The following MGST2 variants were observed in gnomAD, a reference collection of about 807,000 sequenced individuals.
MGST2 encodes glutathione peroxidase MGST2.
Under a neutral mutation model 16.6 loss-of-function variants are expected in MGST2, and 9 were observed. The observed-to-expected ratio is 0.54, with a 90% CI of 0.33 to 0.95. The LOEUF (loss-of-function observed/expected upper bound fraction) is 0.95, where lower values mean the gene tolerates loss of function less well. Among genes scored for constraint, MGST2 ranks in the 40% least tolerant of loss-of-function variants. The pLI is 0.03. For missense variants in MGST2, 159 were observed against 175.1 expected (o/e 0.91, Z 0.52); for synonymous variants, 79 against 68.0 (o/e 1.16, Z -0.79).
intron 5 of MGST2, chr4:139,731,266 A>G (rs1181728330): frequency 6.4e-6 from 1 of 156,986 alleles, no homozygotes; most frequent in African/African-American, 2.4e-5. Flanking sequence ...AATGTTTTAC[A>G]CCGATCAAAG....
chr4:139,729,488 C>A (rs1220833444), intron 5 of MGST2, among the ~76,000 whole-genome samples: 1 of 152,044 alleles, frequency 6.6e-6, no homozygotes, highest in African/African-American at 2.4e-5. Context: ...AAATTCTGAC[C>A]CTATCAGGAA....
intron 1 of MGST2, among the ~76,000 whole-genome samples, chr4:139,673,595 C>T (rs1342165346): frequency 6.6e-6 from 1 of 152,080 alleles, no homozygotes; most frequent in Non-Finnish European, 1.5e-5. Context: ...TTTTTATTTT[C>T]TAGACATGGG....
rs1397244764 is a variant in MGST2 at position 139,695,250 on chromosome 4, G to A, written c.212G>A (p.Gly71Glu). 10 of 1,612,602 alleles carry A rather than the reference G, an allele frequency of 6.2e-6. No individual in the cohort carries two copies. The highest frequency in any genetic ancestry group is 8.5e-6 in the Non-Finnish European group (10 of 1,178,682). Residue 71 changes from glycine to glutamate, a missense_variant, in exon 3 of 5, where the codon GGG (glycine) becomes GAG (glutamate). Transcript: ENST00000265498. The part of the protein sequence containing the change: ...PIFIITLWMA[G>E]WYFNQVFATC... Reference sequence around the variant, plus strand: ...TTCATAATTACATTGTGGATGGCTGGGTGGTATTTCAACCAAGGTAATGTT... The same window carrying A: ...TTCATAATTACATTGTGGATGGCTGAGTGGTATTTCAACCAAGGTAATGTT...
intron 3 of MGST2, among the ~76,000 whole-genome samples, chr4:139,702,434 A>G (rs140906261): frequency 1.3e-5 from 2 of 152,278 alleles, no homozygotes; most frequent in Non-Finnish European, 1.5e-5. Flanking sequence ...ATCATACAGT[A>G]TGTAGCCTGT....
chr4:139,729,134 C>T (rs1728595337), intron 5 of MGST2, among the ~76,000 whole-genome samples: 1 of 116,038 alleles, frequency 8.6e-6, no homozygotes, highest in Non-Finnish European at 1.6e-5. Context: ...GAGATAATTA[C>T]ACAGCTGTTC....
chr4:139,671,975 G>A (rs1178339419), intron 1 of MGST2, among the ~76,000 whole-genome samples: 1 of 152,046 alleles, frequency 6.6e-6, no homozygotes, highest in Non-Finnish European at 1.5e-5. Context: ...AAATAGCCAT[G>A]GTCTCTCTGA....
At chr4:139,707,519 C>T (rs1727566810), downstream of MGST2, among the ~76,000 whole-genome samples, 1 of 152,176 alleles carries the variant, frequency 6.6e-6, no homozygotes, top group Admixed American at 6.5e-5. Context: ...CATACGTGTG[C>T]ATGTGTCTTT....
chr4:139,682,528 C>T (rs58965703), intron 2 of MGST2, among the ~76,000 whole-genome samples: 1,916 of 152,160 alleles, frequency 0.013, 42 homozygotes, highest in African/African-American at 0.043. Flanking sequence ...AGGTCATAGA[C>T]GGCTGGGTCA....
chr4:139,718,897 CTCTG>C (rs1387198217), intron 5 of MGST2: 1 of 171,512 alleles, frequency 5.8e-6, no homozygotes, highest in African/African-American at 2.4e-5. Context: ...CTGGCTGAGG[CTCTG>C]TCTCTTTTGT....
chr4:139,753,966 G>C, the MGST2 span, among the ~76,000 whole-genome samples: 1 of 152,186 alleles, frequency 6.6e-6, no homozygotes, highest in East Asian at 1.9e-4. Flanking sequence ...GGAGGGGTAA[G>C]AGTTAATGAA....
downstream of MGST2, among the ~76,000 whole-genome samples, chr4:139,743,737 AC>A (rs1729233594): frequency 6.6e-6 from 1 of 152,312 alleles, no homozygotes; most frequent in East Asian, 1.9e-4. Flanking sequence ...ACTGAAGGTT[AC>A]TTTCTATAGA....
chr4:139,732,934 T>C (rs1000786655), intron 5 of MGST2, among the ~76,000 whole-genome samples: 1 of 152,250 alleles, frequency 6.6e-6, no homozygotes, highest in Admixed American at 6.5e-5. Context: ...GAAATATTTT[T>C]GATGTTAATA....
At chr4:139,742,798 T>C (rs1326369845), downstream of MGST2, among the ~76,000 whole-genome samples, 1 of 152,214 alleles carries the variant, frequency 6.6e-6, no homozygotes, top group Admixed American at 6.5e-5. Context: ...CCTTGGGAAG[T>C]TGATGGGAAA....
chr4:139,703,029 G>A (rs1449254785), intron 3 of MGST2, among the ~76,000 whole-genome samples: 2 of 151,328 alleles, frequency 1.3e-5, no homozygotes, highest in Admixed American at 6.6e-5. Context: ...GGGTTCAAAC[G>A]ATTCTCCTGC....
At chr4:139,731,722 A>T (rs913222996) in intron 5 of MGST2, among the ~76,000 whole-genome samples, 1 of 152,202 alleles carries the variant, frequency 6.6e-6, no homozygotes, top group Non-Finnish European at 1.5e-5. Flanking sequence ...AATGATGGCA[A>T]CTTTTAAGGA....
chr4:139,700,834 A>T (rs750641548), intron 3 of MGST2, among the ~76,000 whole-genome samples: 1 of 152,160 alleles, frequency 6.6e-6, no homozygotes, highest in Non-Finnish European at 1.5e-5. Context: ...TCGTTGGAGA[A>T]ATTCAATCTC....
downstream of MGST2, among the ~76,000 whole-genome samples, chr4:139,740,988 G>T (rs1211610066): frequency 1.3e-5 from 2 of 152,166 alleles, no homozygotes; most frequent in South Asian, 2.1e-4. Flanking sequence ...CTGCTCTGCC[G>T]GTTTCCCGAC....
chr4:139,704,951 A>T (rs345978), downstream of MGST2, among the ~76,000 whole-genome samples: 2 of 152,126 alleles, frequency 1.3e-5, no homozygotes, highest in Non-Finnish European at 2.9e-5. Flanking sequence ...ACAAAAACAG[A>T]TTATAAAAAT....
chr4:139,702,856 T>C (rs1367691836), intron 3 of MGST2, among the ~76,000 whole-genome samples: 1 of 138,544 alleles, frequency 7.2e-6, no homozygotes, highest in Non-Finnish European at 1.5e-5. Context: ...TTTTTTTTTT[T>C]TTTTTTTTTT....
Sources: gnomAD v4.1 joint callset for allele counts (sites outside exome capture counted in the v4.1 genomes callset) on GRCh38, gnomAD v4.1.1 for gene constraint, MANE v1.5 for transcripts, NCBI Gene and HGNC (gene_info 2026-07-23, HGNC 2026-07-21) for gene names.